The following SORCS3 variants were observed in gnomAD, a reference collection of about 807,000 sequenced individuals.
The protein encoded by SORCS3 is sortilin related VPS10 domain containing receptor 3.
Under a neutral mutation model 146.3 loss-of-function variants are expected in SORCS3, and 57 were observed. The ratio of observed to expected loss-of-function variants is 0.39; its 90% CI spans 0.31 to 0.49. The LOEUF (loss-of-function observed/expected upper bound fraction) is 0.49. Ranked by LOEUF, SORCS3 falls within the 20% of genes least tolerant of loss-of-function variation. SORCS3 has a pLI of 0.92. For missense variants in SORCS3, 1,341 were observed against 1,575.5 expected, an observed-to-expected ratio of 0.85 and a Z score of 2.52; for synonymous variants, 653 against 618.5, an observed-to-expected ratio of 1.06 and a Z score of -0.83.
rs2056079834 is a variant in SORCS3, at chr10:105,139,391, A to G, written c.1213-6A>G. On this transcript the variant is annotated splice_region_variant and splice_polypyrimidine_tract_variant and intron_variant, in intron 7 of 26. Coordinates refer to ENST00000369701, the MANE Select transcript of SORCS3 (RefSeq NM_014978.3). ...CTGATCTCTTTGTGTTTCCCCCACA[A>G]TCTAGGTAACAACTAGTGGAAGAGC... 1 of 1,611,434 alleles carries G rather than the reference A, an allele frequency of 6.2e-7. No individual in the cohort carries two copies. The highest frequency in any genetic ancestry group is 8.5e-7 in the Non-Finnish European group (1 of 1,177,620).
At chr10:104,841,575 C>T (rs937761211) in intron 1 of SORCS3, among the ~76,000 whole-genome samples, 2 of 152,140 alleles carry the variant, frequency 1.3e-5, no homozygotes, top group Non-Finnish European at 2.9e-5. Flanking sequence ...GGCTGATTGA[C>T]CCCATAGAGT....
chr10:104,894,661 G>A lies in SORCS3; in HGVS notation c.696-21172G>A, dbSNP rs552932245. 4.6e-5 allele frequency among the ~76,000 whole-genome samples: 7 copies of A among 152,296 alleles called. 1 individual carries two copies. The highest frequency in any genetic ancestry group is 2.1e-4 in the South Asian group (1 of 4,820). On this transcript the variant is annotated intron_variant, in intron 2 of 26. Coordinates refer to ENST00000369701, the MANE Select transcript of SORCS3 (RefSeq NM_014978.3). The stretch of plus-strand genomic sequence containing the variant: ...CCATGCACGAGGTATTTCTGAGCTA[G>A]CAAAACTTGGCAGCAATTAGAGGTG...
chr10:104,954,950 T>C (rs984445154), intron 3 of SORCS3, among the ~76,000 whole-genome samples: 6 of 152,220 alleles, frequency 3.9e-5, no homozygotes, highest in Non-Finnish European at 7.3e-5. Context: ...CCCAGTTCTT[T>C]TATTTATATA....
intron 2 of SORCS3, among the ~76,000 whole-genome samples, chr10:104,855,501 A>G (rs1199947950): frequency 1.3e-5 from 2 of 152,164 alleles, no homozygotes; most frequent in African/African-American, 2.4e-5. Context: ...TCAGCATTTT[A>G]TAGTTTTCAC....
At chr10:104,770,305 T>C (rs1265619131) in intron 1 of SORCS3, among the ~76,000 whole-genome samples, 1 of 152,168 alleles carries the variant, frequency 6.6e-6, no homozygotes, top group Non-Finnish European at 1.5e-5. Context: ...ATCTGTTTGC[T>C]TTTGATTATC....
intron 1 of SORCS3, among the ~76,000 whole-genome samples, chr10:104,749,226 GGTGTGTGTGTGTGTGTGTGT>G (rs60550253): frequency 7.1e-6 from 1 of 140,900 alleles, no homozygotes; most frequent in Non-Finnish European, 1.6e-5. Flanking sequence ...CAAAGTATAG[GGTGTGTGTGTGTGTGTGTGT>G]GTGTGTGTGT....
chr10:105,141,234 G>A (rs1041339411), intron 8 of SORCS3, among the ~76,000 whole-genome samples: 4 of 152,112 alleles, frequency 2.6e-5, no homozygotes, highest in African/African-American at 7.2e-5. Context: ...CAACCCCGAG[G>A]CAATTTATTG....
chr10:104,844,294 G>A (rs1182522844), intron 2 of SORCS3, among the ~76,000 whole-genome samples: 2 of 152,158 alleles, frequency 1.3e-5, no homozygotes, highest in Non-Finnish European at 2.9e-5. Context: ...CAATGATGCT[G>A]TGTGATACTT....
intron 1 of SORCS3, among the ~76,000 whole-genome samples, chr10:104,669,705 A>G (rs1362226925): frequency 6.6e-6 from 1 of 152,180 alleles, no homozygotes; most frequent in East Asian, 1.9e-4. Flanking sequence ...ACATGGGTAT[A>G]TGGTATACCA....
At chr10:104,892,921 T>G (rs541012772) in intron 2 of SORCS3, among the ~76,000 whole-genome samples, 1 of 152,056 alleles carries the variant, frequency 6.6e-6, no homozygotes, top group Non-Finnish European at 1.5e-5. Context: ...AAAAAGTCAA[T>G]CTCTTTCTTC....
chr10:105,128,671 C>G (rs549068932), intron 7 of SORCS3, among the ~76,000 whole-genome samples: 1 of 152,266 alleles, frequency 6.6e-6, no homozygotes, highest in East Asian at 1.9e-4. Flanking sequence ...CTAGCCCTTC[C>G]TTCTGTGCAT....
chr10:104,998,790 C>T (rs998824113), intron 4 of SORCS3, among the ~76,000 whole-genome samples: 3 of 152,118 alleles, frequency 2.0e-5, no homozygotes, highest in Non-Finnish European at 4.4e-5. Context: ...GGAGAATCAT[C>T]GGCCCTTGAG....
chr10:105,151,844 G>T (rs2119479240), intron 9 of SORCS3, among the ~76,000 whole-genome samples: 1 of 152,154 alleles, frequency 6.6e-6, no homozygotes, highest in Non-Finnish European at 1.5e-5. Flanking sequence ...ATGTTGTCAT[G>T]ACTATAATTA....
At chr10:105,252,317 A>C (rs1308814197) in intron 22 of SORCS3, among the ~76,000 whole-genome samples, 1 of 152,214 alleles carries the variant, frequency 6.6e-6, no homozygotes, top group African/African-American at 2.4e-5. Flanking sequence ...TAGCTATTGC[A>C]CTTAAAAAAA....
chr10:104,695,933 A>C (rs1415147512), intron 1 of SORCS3, among the ~76,000 whole-genome samples: 2 of 145,634 alleles, frequency 1.4e-5, no homozygotes, highest in Non-Finnish European at 3.0e-5. Flanking sequence ...AGAAATTGTG[A>C]TGTATATATA....
intron 1 of SORCS3, among the ~76,000 whole-genome samples, chr10:104,761,432 A>G (rs927511880): frequency 2.6e-5 from 4 of 152,288 alleles, no homozygotes; most frequent in African/African-American, 9.6e-5. Context: ...GATACAGGCC[A>G]AGTGTTCTGA....
At chr10:105,068,133 C>T (rs1430560823) in intron 5 of SORCS3, among the ~76,000 whole-genome samples, 1 of 152,122 alleles carries the variant, frequency 6.6e-6, no homozygotes, top group African/African-American at 2.4e-5. Flanking sequence ...ACCTCAAAAC[C>T]CAACTGTCCA....
chr10:105,174,472 G>A (rs1392565988), intron 13 of SORCS3, among the ~76,000 whole-genome samples: 2 of 152,014 alleles, frequency 1.3e-5, no homozygotes, highest in African/African-American at 2.4e-5. Flanking sequence ...TTCACAAATG[G>A]CAGCCTATCC....
At chr10:104,892,892 G>A (rs1003135981) in intron 2 of SORCS3, among the ~76,000 whole-genome samples, 4 of 151,980 alleles carry the variant, frequency 2.6e-5, no homozygotes, top group African/African-American at 9.7e-5. Context: ...CAGCCTTACT[G>A]CCTTTCTGTA....
Sources: allele counts gnomAD v4.1 joint callset (sites outside exome capture counted in the v4.1 genomes callset), GRCh38; gene constraint gnomAD v4.1.1; transcripts MANE v1.5; gene names NCBI Gene and HGNC (gene_info 2026-07-23, HGNC 2026-07-21).